Variants in TYW1B observed in about 807,000 individuals in gnomAD.
TYW1B encodes the protein tRNA-yW synthesizing protein 1 homolog B.
Under a neutral mutation model 86.9 loss-of-function variants are expected in TYW1B, and 73 were observed. The observed-to-expected ratio is 0.84, with a 90% CI of 0.70 to 1.02. TYW1B has a LOEUF of 1.02. Ranked by LOEUF, TYW1B falls within the 50% of genes least tolerant of loss-of-function variation. The pLI, the probability that TYW1B is intolerant of heterozygous loss-of-function variation, is 0.00. For synonymous variants in TYW1B, 248 were observed against 292.8 expected, an observed-to-expected ratio of 0.85 and a Z score of 1.56; for missense variants, 637 against 827.4, an observed-to-expected ratio of 0.77 and a Z score of 2.82.
chr7:72,664,369 T>C (rs561072942), intron 11 of TYW1B, among the ~76,000 whole-genome samples: 1 of 152,276 alleles, frequency 6.6e-6, no homozygotes, highest in East Asian at 1.9e-4. Context: ...CTGAGGTAAC[T>C]AGTAGATAAC....
At chr7:72,593,962 T>C (rs1421289639) in intron 13 of TYW1B, among the ~76,000 whole-genome samples, 2 of 150,548 alleles carry the variant, frequency 1.3e-5, no homozygotes, top group African/African-American at 4.9e-5. Flanking sequence ...AGAAAATGCT[T>C]ACAGACTAAT....
chr7:72,591,176 T>G (rs1554431322), intron 13 of TYW1B, among the ~76,000 whole-genome samples: 2 of 148,374 alleles, frequency 1.3e-5, no homozygotes, highest in South Asian at 4.2e-4. Context: ...AGAAAAAAAG[T>G]GAACAGAGAT....
At chr7:72,619,091 T>A (rs767650528) in intron 12 of TYW1B, among the ~76,000 whole-genome samples, 3 of 152,168 alleles carry the variant, frequency 2.0e-5, no homozygotes, top group Non-Finnish European at 4.4e-5. Flanking sequence ...ATCTCCCCTT[T>A]CCTTCCACCA....
intron 11 of TYW1B, among the ~76,000 whole-genome samples, chr7:72,672,557 G>T (rs1184631135): frequency 2.0e-5 from 3 of 150,770 alleles, no homozygotes; most frequent in African/African-American, 7.3e-5. Context: ...ATATTTCTGG[G>T]TTCCTTCAGC....
At chr7:72,804,701 A>C (rs560495197) in intron 5 of TYW1B, among the ~76,000 whole-genome samples, 2 of 152,108 alleles carry the variant, frequency 1.3e-5, no homozygotes, top group Admixed American at 1.3e-4. Context: ...TTAGCTGGGC[A>C]TGATGGTGCA....
At chr7:72,616,203 AG>A (rs200500373) in intron 13 of TYW1B, among the ~76,000 whole-genome samples, 1 of 152,360 alleles carries the variant, frequency 6.6e-6, no homozygotes, top group Non-Finnish European at 1.5e-5. Flanking sequence ...AAAGGACTAA[AG>A]GGGGAAAAAT....
intron 9 of TYW1B, among the ~76,000 whole-genome samples, chr7:72,721,597 A>G (rs1421181110): frequency 6.6e-6 from 1 of 151,814 alleles, no homozygotes; most frequent in African/African-American, 2.4e-5. Context: ...GTTTCCCATT[A>G]TCTCACACTC....
intron 11 of TYW1B, among the ~76,000 whole-genome samples, chr7:72,690,867 C>A (rs1346001433): frequency 2.6e-5 from 4 of 152,122 alleles, no homozygotes; most frequent in African/African-American, 9.7e-5. Flanking sequence ...CCTGCCTCAG[C>A]CTCCCGAGTA....
chr7:72,781,087 C>A (rs1396645936), intron 6 of TYW1B, among the ~76,000 whole-genome samples: 1 of 152,002 alleles, frequency 6.6e-6, no homozygotes, highest in African/African-American at 2.4e-5. Flanking sequence ...ACATAACTAG[C>A]CCAATCTGGT....
intron 9 of TYW1B, among the ~76,000 whole-genome samples, chr7:72,727,811 CAAAAAAAAAAA>C (rs10714290): frequency 3.1e-4 from 33 of 107,662 alleles, no homozygotes; most frequent in Admixed American, 1.0e-3. Flanking sequence ...AGATCCGGTC[CAAAAAAAAAAA>C]AAAAAAAAAA....
At chr7:72,584,642 G>A (rs1585825709) in intron 13 of TYW1B, among the ~76,000 whole-genome samples, 1 of 152,044 alleles carries the variant, frequency 6.6e-6, no homozygotes, top group South Asian at 2.1e-4. Flanking sequence ...TTTTAGTAGA[G>A]ATGGGGTTTC....
chr7:72,613,222 G>C (rs1811979225), intron 13 of TYW1B, among the ~76,000 whole-genome samples: 1 of 152,056 alleles, frequency 6.6e-6, no homozygotes, highest in African/African-American at 2.4e-5. Flanking sequence ...AACTGTGGCT[G>C]GTAGGCCCAA....
chr7:72,700,406 C>T (rs1361010528), intron 10 of TYW1B, among the ~76,000 whole-genome samples: 4 of 152,042 alleles, frequency 2.6e-5, no homozygotes, highest in African/African-American at 9.7e-5. Context: ...GAATTGACTG[C>T]AGGTGATCCA....
chr7:72,648,749 G>A (rs1242129748), intron 11 of TYW1B, among the ~76,000 whole-genome samples: 5 of 151,942 alleles, frequency 3.3e-5, no homozygotes, highest in East Asian at 1.9e-4. Flanking sequence ...ACATCCACCC[G>A]GCAACTTGGT....
chr7:72,672,516 A>G lies in TYW1B; in HGVS notation c.1506+22171T>C, dbSNP rs554891964. Among the ~76,000 whole-genome samples, 1,032 of 140,872 alleles carry G rather than the reference A, an allele frequency of 7.3e-3. 14 individuals are homozygous for G. Among genetic ancestry groups the G allele is most frequent in the African/African-American group, 0.026 (1,006 of 38,974 alleles). 92.4% of individuals were successfully genotyped at this position (140,872 alleles called of 152,430 possible). On this transcript the variant is annotated intron_variant, in intron 11 of 13. Transcript: ENST00000620995. ...CACACACACACACACACACCTGTATACACAGGTATGTAATATGCAGTTAGC... is the reference window on the plus strand; with the variant it reads ...CACACACACACACACACACCTGTATGCACAGGTATGTAATATGCAGTTAGC...
At position 72,728,823 on chromosome 7, in the gene TYW1B, T is replaced by C. The variant is rs782727993; in HGVS notation, c.1191A>G (p.Lys397=). 1.2e-6 allele frequency: 2 copies of C among 1,612,608 alleles called. No homozygotes were observed. The highest frequency in any genetic ancestry group is 8.5e-7 in the Non-Finnish European group (1 of 1,179,276). Residue 397 remains lysine (K), a splice_region_variant and synonymous_variant, in exon 9 of 14, where the codon AAA becomes AAG. Transcript: ENST00000620995. The part of the protein sequence containing the change: ...ENHQNMIKQF[K]GVPGVKAERF... ...CCTCTGTAGAGGGAAGATAAATACC[T>C]TTAAACTGCTTAATCATGTTCTGAT...
chr7:72,793,081 G>A (rs1381407625), intron 6 of TYW1B, among the ~76,000 whole-genome samples: 12 of 152,310 alleles, frequency 7.9e-5, no homozygotes, highest in African/African-American at 2.9e-4. Flanking sequence ...GCTCTCAACT[G>A]TAATCCCAGC....
intron 13 of TYW1B, among the ~76,000 whole-genome samples, chr7:72,608,205 A>C (rs1397409174): frequency 6.6e-6 from 1 of 152,244 alleles, no homozygotes; most frequent in Non-Finnish European, 1.5e-5. Flanking sequence ...CAGATGGGGA[A>C]GATTCCAAAG....
chr7:72,591,633 T>G (rs34742462), intron 13 of TYW1B, among the ~76,000 whole-genome samples: 1 of 152,014 alleles, frequency 6.6e-6, no homozygotes, highest in African/African-American at 2.4e-5. Flanking sequence ...AAAGCTGAGG[T>G]AGTTCATCAC....
Sources: allele counts gnomAD v4.1 joint callset (sites outside exome capture counted in the v4.1 genomes callset), GRCh38; gene constraint gnomAD v4.1.1; transcripts MANE v1.5; gene names NCBI Gene and HGNC (gene_info 2026-07-23, HGNC 2026-07-21).